The following VPS26A variants were observed in gnomAD, a reference collection of about 807,000 sequenced individuals.
VPS26A encodes the protein VPS26 retromer complex component A, also known as vacuolar protein sorting-associated protein 26A.
A neutral mutation model predicts 42.4 loss-of-function variants in VPS26A; 22 were observed. That is an observed-to-expected ratio of 0.52 (90% CI 0.37 to 0.74). VPS26A has a LOEUF of 0.74. VPS26A is among the 30% of genes least tolerant of loss of function. The pLI is 0.00. For missense variants in VPS26A, 276 were observed against 379.2 expected (o/e 0.73, Z 2.26); for synonymous variants, 110 against 123.5 (o/e 0.89, Z 0.73).
intron 7 of VPS26A, among the ~76,000 whole-genome samples, chr10:69,167,151 C>G (rs537858203): frequency 8.7e-6 from 1 of 115,252 alleles, no homozygotes; most frequent in Non-Finnish European, 2.0e-5. Flanking sequence ...ATTCAGGGGC[C>G]GGGCGTGGTG....
chr10:69,154,324 G>A (rs1841382725), intron 2 of VPS26A, among the ~76,000 whole-genome samples: 1 of 152,004 alleles, frequency 6.6e-6, no homozygotes, highest in Non-Finnish European at 1.5e-5. Context: ...ATCACCTGAG[G>A]TCAGGAGTTT....
chr10:69,154,676 A>C (rs1268076384), intron 2 of VPS26A, among the ~76,000 whole-genome samples: 1 of 152,134 alleles, frequency 6.6e-6, no homozygotes, highest in Non-Finnish European at 1.5e-5. Context: ...CAGCTTGGGC[A>C]ATATAGTGAG....
chr10:69,128,140 T>G (rs548334901), intron 1 of VPS26A, among the ~76,000 whole-genome samples: 6 of 152,286 alleles, frequency 3.9e-5, no homozygotes, highest in Admixed American at 3.9e-4. Flanking sequence ...TGGTGTTAAT[T>G]GTGAAATTTT....
At chr10:69,126,906 G>A (rs1007044752) in intron 1 of VPS26A, among the ~76,000 whole-genome samples, 1 of 151,626 alleles carries the variant, frequency 6.6e-6, no homozygotes, top group Admixed American at 6.6e-5. Flanking sequence ...CCTGTAAAAT[G>A]TAAGATATCC....
chr10:69,167,227 T>C (rs1389479435), intron 7 of VPS26A, among the ~76,000 whole-genome samples: 2 of 147,832 alleles, frequency 1.4e-5, no homozygotes, highest in African/African-American at 2.5e-5. Flanking sequence ...CCCAGGAGTT[T>C]GAGACCAGTC....
chr10:69,132,610 T>G (rs961623915), intron 1 of VPS26A, among the ~76,000 whole-genome samples: 1 of 152,022 alleles, frequency 6.6e-6, no homozygotes, highest in African/African-American at 2.4e-5. Context: ...GCCCGGCTAA[T>G]TTTTGTGTTT....
chr10:69,138,706 C>T (rs1332583347), intron 2 of VPS26A, among the ~76,000 whole-genome samples: 1 of 151,986 alleles, frequency 6.6e-6, no homozygotes, highest in Non-Finnish European at 1.5e-5. Flanking sequence ...ATCATATTGT[C>T]ATTTCCAATT....
chr10:69,133,616 T>G, intron 2 of VPS26A: 1 of 1,289,074 alleles, frequency 7.8e-7, no homozygotes, highest in South Asian at 1.2e-5. Flanking sequence ...AGGTTTCACT[T>G]TTTTCCCCTT....
chr10:69,132,946 C>T lies in VPS26A; in HGVS notation c.52C>T (p.Leu18Phe), dbSNP rs1840819601. 1.2e-6 allele frequency: 2 copies of T among 1,610,164 alleles called. No individual in the cohort carries two copies. Among genetic ancestry groups the T allele is most frequent in the Middle Eastern group, 1.7e-4 (1 of 6,044 alleles). ...FGPICEIDIV[L>F]NDGETRKMAE... Reference sequence around the variant, plus strand: ...TCCAATTTGTGAGATCGATATTGTTCTTAATGATGGGGAAACCAGGAAAAT... The same window carrying T: ...TCCAATTTGTGAGATCGATATTGTTTTTAATGATGGGGAAACCAGGAAAAT... The change falls in exon 2 of 9, where the codon CTT (leucine) becomes TTT (phenylalanine). Residue 18 changes from leucine (L) to phenylalanine (F), a missense_variant. By Grantham distance (22) the Leu-to-Phe change is conservative. Coordinates refer to ENST00000263559, the MANE Select transcript of VPS26A (RefSeq NM_004896.5).
At chr10:69,145,967 TATAAATGGCA>T (rs1759786008) in intron 2 of VPS26A, among the ~76,000 whole-genome samples, 1 of 152,214 alleles carries the variant, frequency 6.6e-6, no homozygotes, top group African/African-American at 2.4e-5. Context: ...GGACATTTCA[TATAAATGGCA>T]TATACTGTGT....
intron 6 of VPS26A, 94 bp downstream of exon 6, chr10:69,162,606 A>G: frequency 1.4e-6 from 1 of 733,862 alleles, no homozygotes; most frequent in Non-Finnish European, 2.1e-6. Flanking sequence ...TGATATCCAC[A>G]TTGAGTACTA....
chr10:69,173,643 G>A lies in VPS26A; in HGVS notation c.*2374G>A, dbSNP rs1841867682. On this transcript the variant is annotated 3_prime_UTR_variant, in exon 9 of 9. Transcript: ENST00000263559. ...ATGCACCAATCAACACTCTAGCTAG[G>A]ATTGTAAAACGCACTCTGGCTAGCT... Among the ~76,000 whole-genome samples, 1 of 152,200 alleles carries A rather than the reference G, an allele frequency of 6.6e-6. No homozygotes were observed. The highest frequency in any genetic ancestry group is 1.5e-5 in the Non-Finnish European group (1 of 68,036).
At chr10:69,148,102 C>A (rs1383636800) in intron 2 of VPS26A, among the ~76,000 whole-genome samples, 2 of 152,000 alleles carry the variant, frequency 1.3e-5, no homozygotes, top group African/African-American at 2.4e-5. Flanking sequence ...GCTACTGTCA[C>A]AACAGGCAGA....
intron 2 of VPS26A, among the ~76,000 whole-genome samples, chr10:69,141,472 C>G (rs879558158): frequency 3.3e-5 from 5 of 152,186 alleles, no homozygotes; most frequent in Non-Finnish European, 5.9e-5. Flanking sequence ...CATTTCTGAT[C>G]AAATTTATTG....
chr10:69,150,336 G>A (rs7904944), intron 2 of VPS26A, among the ~76,000 whole-genome samples: 139 of 152,290 alleles, frequency 9.1e-4, no homozygotes, highest in African/African-American at 3.1e-3. Context: ...GATTACAGGC[G>A]TGGGCCACTG....
At chr10:69,161,701 CA>C in intron 5 of VPS26A, 1 of 389,000 alleles carries the variant, frequency 2.6e-6, no homozygotes, top group South Asian at 2.2e-5. Flanking sequence ...GGGTTCAGCA[CA>C]AAGGGCCTCC....
intron 3 of VPS26A, 97 bp from the exon 4 acceptor site, chr10:69,156,910 T>A: frequency 8.7e-7 from 1 of 1,146,760 alleles, no homozygotes; most frequent in Non-Finnish European, 1.2e-6. Context: ...ACTCAATAAT[T>A]CTTTTGGTAA....
intron 2 of VPS26A, among the ~76,000 whole-genome samples, chr10:69,151,275 A>AAC (rs1564680884): frequency 1.4e-5 from 1 of 70,630 alleles, no homozygotes; most frequent in Non-Finnish European, 3.9e-5. Flanking sequence ...AAAAAAAAAA[A>AAC]AAAAAAAACA....
rs1841877494 is a variant in VPS26A at position 69,174,031 on chromosome 10, G to T, written c.*2762G>T. On this transcript the variant is annotated 3_prime_UTR_variant, in exon 9 of 9. Transcript: ENST00000263559. ...TAGAATGGACCAATCAGCAGGACGT[G>T]GGCGGGGACAAATAAGAGAATAAAA... Among the ~76,000 whole-genome samples, 2 of 152,202 alleles carry T rather than the reference G, an allele frequency of 1.3e-5. No individual in the cohort carries two copies. The highest frequency in any genetic ancestry group is 4.1e-4 in the South Asian group (2 of 4,830).
Sources: allele counts gnomAD v4.1 joint callset (sites outside exome capture counted in the v4.1 genomes callset), GRCh38; gene constraint gnomAD v4.1.1; transcripts MANE v1.5; gene names NCBI Gene and HGNC (gene_info 2026-07-23, HGNC 2026-07-21).